ACTN4: variants seen among roughly 807,000 people sequenced by gnomAD.
ACTN4 encodes the protein alpha-actinin-4.
A neutral mutation model predicts 114.2 loss-of-function variants in ACTN4; 18 were observed. That is an observed-to-expected ratio of 0.16 (90% CI 0.11 to 0.23). The LOEUF (loss-of-function observed/expected upper bound fraction) is 0.23, where lower values mean the gene tolerates loss of function less well. Ranked by LOEUF, ACTN4 falls within the 10% of genes least tolerant of loss-of-function variation. The pLI, the probability that ACTN4 is intolerant of heterozygous loss-of-function variation, is 1.00. For missense variants in ACTN4, 722 were observed against 1,262.9 expected (o/e 0.57, Z 6.49); for synonymous variants, 515 against 506.3 (o/e 1.02, Z -0.23).
At chr19:38,712,603 T>C (rs1212653328) in intron 8 of ACTN4, among the ~76,000 whole-genome samples, 1 of 151,912 alleles carries the variant, frequency 6.6e-6, no homozygotes, top group Non-Finnish European at 1.5e-5. Flanking sequence ...AGCTTGTGTT[T>C]GGAGTGTTCT....
chr19:38,730,948 C>T lies in ACTN4; in HGVS notation c.*1516C>T. On this transcript the variant is annotated 3_prime_UTR_variant, in exon 21 of 21. Coordinates refer to ENST00000252699, the MANE Select transcript of ACTN4 (RefSeq NM_004924.6). ...AGGACAGAGCCTGAGCCACCCTGTC[C>T]CTCCCACCTGGCTCACCTGTCTGTG... 1.9e-6 allele frequency: 3 copies of T among 1,550,570 alleles called. No individual in the cohort carries two copies. Among genetic ancestry groups the T allele is most frequent in the Non-Finnish European group, 2.6e-6 (3 of 1,147,058 alleles).
At position 38,731,439 on chromosome 19, in the gene ACTN4, G is replaced by A; in HGVS notation, c.*2007G>A. 2 of 591,966 alleles carry A rather than the reference G, an allele frequency of 3.4e-6. No individual in the cohort carries two copies. The highest frequency in any genetic ancestry group is 2.8e-5 in the East Asian group (1 of 35,280). The allele number at this position is 591,966 out of a possible 1,614,324, so 36.7% of individuals were successfully genotyped here. ...ACTAAGACAGCCCCGACCCCATAGG[G>A]TGTGTGAAGACAGAACGCTCAGGAC... On this transcript the variant is annotated 3_prime_UTR_variant, in exon 21 of 21. Coordinates refer to ENST00000252699, the MANE Select transcript of ACTN4 (RefSeq NM_004924.6).
At chr19:38,675,930 G>A (rs1439956674) in intron 1 of ACTN4, among the ~76,000 whole-genome samples, 1 of 152,326 alleles carries the variant, frequency 6.6e-6, no homozygotes, top group African/African-American at 2.4e-5. Context: ...TCTCCCAAAC[G>A]TAAGCTGTGA....
rs1969267248 is a variant in ACTN4, at chr19:38,727,255, G to T, written c.2337+152G>T. The T allele has an allele frequency of 7.8e-7, 1 of 1,274,616 alleles. No homozygotes were observed. The highest frequency in any genetic ancestry group is 1.3e-5 in the South Asian group (1 of 76,710). 79.0% of individuals were successfully genotyped at this position (1,274,616 alleles called of 1,614,324 possible). On this transcript the variant is annotated intron_variant, in intron 18 of 20. Coordinates refer to ENST00000252699, the MANE Select transcript of ACTN4 (RefSeq NM_004924.6). This position sits in a 1 kb window ranked among gnomAD's most constrained non-coding sequence, Gnocchi z 5.4. Reference sequence around the variant, plus strand: ...CCAGCAGGGCCCTGCCACTGTCAGGGTGTAGGTGTGCGGCACCAAGACCCC... The same window carrying T: ...CCAGCAGGGCCCTGCCACTGTCAGGTTGTAGGTGTGCGGCACCAAGACCCC...
At position 38,730,961 on chromosome 19, in the gene ACTN4, T is replaced by C; in HGVS notation, c.*1529T>C. 1 of 1,550,590 alleles carries C rather than the reference T, an allele frequency of 6.4e-7. No individual in the cohort carries two copies. Among genetic ancestry groups the C allele is most frequent in the Admixed American group, 2.0e-5 (1 of 51,030 alleles). On this transcript the variant is annotated 3_prime_UTR_variant, in exon 21 of 21. Transcript: ENST00000252699. ...AGCCACCCTGTCCCTCCCACCTGGC[T>C]CACCTGTCTGTGGGTCAGGCAGATG...
intron 1 of ACTN4, among the ~76,000 whole-genome samples, chr19:38,670,189 TC>T (rs1170745106): frequency 1.3e-5 from 2 of 152,186 alleles, no homozygotes; most frequent in Non-Finnish European, 2.9e-5. Flanking sequence ...ACTTGGTGTT[TC>T]CACTCAAGGG....
At chr19:38,668,093 C>T (rs1164122758) in intron 1 of ACTN4, among the ~76,000 whole-genome samples, 1 of 152,158 alleles carries the variant, frequency 6.6e-6, no homozygotes, top group Non-Finnish European at 1.5e-5. Flanking sequence ...AATGTGGTGT[C>T]TCATTTCATG....
At chr19:38,678,849 A>T (rs1568695796) in intron 1 of ACTN4, among the ~76,000 whole-genome samples, 1 of 152,176 alleles carries the variant, frequency 6.6e-6, no homozygotes, top group Non-Finnish European at 1.5e-5. Context: ...TTTTAAATGC[A>T]ACCTTGTTCC....
At chr19:38,653,951 C>T (rs951255009) in intron 1 of ACTN4, among the ~76,000 whole-genome samples, 8 of 152,136 alleles carry the variant, frequency 5.3e-5, no homozygotes, top group African/African-American at 1.9e-4. Flanking sequence ...AGTTTGAGAG[C>T]TCATTAGTCT....
intron 11 of ACTN4, 96 bp from the exon 12 acceptor site, chr19:38,721,442 C>A: frequency 7.0e-7 from 1 of 1,438,464 alleles, no homozygotes; most frequent in South Asian, 1.2e-5. Flanking sequence ...GTGGGGTCCA[C>A]AGTCTCTCTT....
intron 16 of ACTN4, among the ~76,000 whole-genome samples, chr19:38,725,211 C>G (rs570223973): frequency 1.3e-5 from 2 of 152,352 alleles, no homozygotes; most frequent in East Asian, 3.9e-4. Flanking sequence ...CAGCAGGCAA[C>G]CTCGTTTAAA....
In ACTN4 at chr19:38,730,709, C is replaced by T. The variant is rs1969517465; in HGVS notation, c.*1277C>T. On this transcript the variant is annotated 3_prime_UTR_variant, in exon 21 of 21. Coordinates refer to ENST00000252699, the MANE Select transcript of ACTN4 (RefSeq NM_004924.6). ...AGGAGTACGCAGGCCAGAGTGGTCA[C>T]CCGGCCGTGAGCAGTGAGGGCCAGA... is the stretch of plus-strand genomic sequence containing the variant. 2.0e-6 allele frequency: 2 copies of T among 1,020,082 alleles called. No homozygotes were observed. The highest frequency in any genetic ancestry group is 2.6e-5 in the East Asian group (1 of 38,438). 63.2% of individuals were successfully genotyped at this position (1,020,082 alleles called of 1,614,324 possible). A position where few individuals can be genotyped will look rare whatever the true frequency, so the allele number is the denominator to read the frequency against.
At chr19:38,704,881 C>G in intron 3 of ACTN4, 53 bp from the exon 4 acceptor site, 1 of 1,551,284 alleles carries the variant, frequency 6.4e-7, no homozygotes, top group Non-Finnish European at 8.9e-7. Context: ...GGCGGAGGAG[C>G]CTCACTCTGG....
intron 6 of ACTN4, among the ~76,000 whole-genome samples, 156 bp downstream of exon 6, chr19:38,708,351 C>T (rs1968529731): frequency 6.6e-6 from 1 of 152,174 alleles, no homozygotes; most frequent in South Asian, 2.1e-4. Flanking sequence ...AGGCTCTCCG[C>T]AACCCCTGGC....
intron 1 of ACTN4, among the ~76,000 whole-genome samples, chr19:38,694,629 GA>G (rs1469128531): frequency 1.3e-5 from 2 of 152,084 alleles, no homozygotes; most frequent in East Asian, 3.9e-4. Flanking sequence ...ATTCTACTCA[GA>G]CATCGTGGAA....
intron 1 of ACTN4, among the ~76,000 whole-genome samples, chr19:38,694,916 C>T (rs1221165938): frequency 6.6e-6 from 1 of 152,140 alleles, no homozygotes. Flanking sequence ...GCTCTGTCAC[C>T]GAGGCTGGAG....
intron 1 of ACTN4, among the ~76,000 whole-genome samples, chr19:38,688,806 A>G (rs948505161): frequency 2.6e-5 from 4 of 152,218 alleles, no homozygotes; most frequent in African/African-American, 4.8e-5. Flanking sequence ...AAGTCAGATA[A>G]TAAGTATTGA....
rs377077588 is a variant in ACTN4 at position 38,691,562 on chromosome 19, G to A, written c.163-9038G>A. 1.4e-4 allele frequency among the ~76,000 whole-genome samples: 22 copies of A among 152,130 alleles called. No homozygotes were observed. In the South Asian group the frequency reaches 4.4e-3, roughly 30 times the overall value. On this transcript the variant is annotated intron_variant, in intron 1 of 20. Transcript: ENST00000252699. The stretch of plus-strand genomic sequence containing the variant: ...AAACCAGCTCTATAAAGAGCTAGAC[G>A]AAAGTCTTAGACCAGTATTTCTCAT...
intron 1 of ACTN4, among the ~76,000 whole-genome samples, chr19:38,674,834 C>T (rs1270669733): frequency 6.6e-6 from 1 of 152,184 alleles, no homozygotes; most frequent in Non-Finnish European, 1.5e-5. Flanking sequence ...ATGGTGACAT[C>T]AGTGTGCCTA....
Sources: gnomAD v4.1 joint callset for allele counts (sites outside exome capture counted in the v4.1 genomes callset) on GRCh38, gnomAD v4.1.1 for gene constraint, Gnocchi (gnomAD v3.1) non-coding constraint, MANE v1.5 for transcripts, NCBI Gene and HGNC (gene_info 2026-07-23, HGNC 2026-07-21) for gene names.